Variants in VSIG4 observed in about 807,000 individuals in gnomAD.
VSIG4 encodes V-set and immunoglobulin domain-containing protein 4.
In VSIG4, 34 loss-of-function variants were observed where a neutral mutation model predicts 23.4. That is an observed-to-expected ratio of 1.45 (90% CI 1.10 to 1.93). The LOEUF (loss-of-function observed/expected upper bound fraction) is 1.93, where lower values mean the gene tolerates loss of function less well. VSIG4 is among the 30% of genes most tolerant of loss of function. The probability of loss-of-function intolerance (pLI) is 0.00; values close to 1 mark genes in which losing one functional copy is unlikely to be tolerated. For synonymous variants in VSIG4, 169 were observed against 120.3 expected, an observed-to-expected ratio of 1.41 and a Z score of -2.65; for missense variants, 433 against 310.8, an observed-to-expected ratio of 1.39 and a Z score of -2.96.
intron 2 of VSIG4, 120 bp downstream of exon 2, chrX:66,033,354 A>G (rs1315866875): frequency 1.6e-6 from 1 of 609,280 alleles, no homozygotes; most frequent in Non-Finnish European, 2.6e-6. Context: ...TGATAAGCAC[A>G]TATACCTGTG....
chrX:66,029,538 G>T lies in VSIG4; in HGVS notation c.695-1426C>A, dbSNP rs188782681. 4.2e-3 allele frequency among the ~76,000 whole-genome samples: 470 copies of T among 111,203 alleles called. 5 individuals are homozygous for T. The highest frequency in any genetic ancestry group is 0.015 in the African/African-American group (456 of 30,554). On this transcript the variant is annotated intron_variant, in intron 3 of 7. Coordinates refer to ENST00000374737, the MANE Select transcript of VSIG4 (RefSeq NM_007268.3). ...ATAAAATATATACTCAATAAATATT[G>T]AATAAGTTGATGACTTCGTAAGAAT...
At chrX:66,036,470 C>T (rs1173325654) in intron 1 of VSIG4, among the ~76,000 whole-genome samples, 1 of 103,219 alleles carries the variant, frequency 9.7e-6, no homozygotes, top group Non-Finnish European at 1.9e-5. Flanking sequence ...AGGAATAACA[C>T]TGATCTAAGC....
At chrX:66,030,741 A>G in intron 3 of VSIG4, among the ~76,000 whole-genome samples, 1 of 111,895 alleles carries the variant, frequency 8.9e-6, no homozygotes, top group Middle Eastern at 4.6e-3. Context: ...GAATGAGACA[A>G]AGATAAGCAA....
At chrX:66,032,850 GC>G in intron 2 of VSIG4, 101 bp from the exon 3 acceptor site, 1 of 886,593 alleles carries the variant, frequency 1.1e-6, no homozygotes, top group South Asian at 2.8e-5. Context: ...GCATATATCT[GC>G]AACTGGAACT....
At chrX:66,026,092 T>C (rs975661887) in intron 5 of VSIG4, among the ~76,000 whole-genome samples, 1 of 112,210 alleles carries the variant, frequency 8.9e-6, no homozygotes, top group African/African-American at 3.2e-5. Context: ...AGGCCTTAGT[T>C]ACCCCATAAG....
intron 1 of VSIG4, among the ~76,000 whole-genome samples, chrX:66,034,353 C>G (rs2085508333): frequency 8.9e-6 from 1 of 111,952 alleles, no homozygotes; most frequent in Admixed American, 9.5e-5. Flanking sequence ...GCCCTCTGCC[C>G]TGTTATCTTC....
At chrX:66,036,624 T>G (rs1278777852) in intron 1 of VSIG4, among the ~76,000 whole-genome samples, 3 of 79,556 alleles carry the variant, frequency 3.8e-5, no homozygotes, top group Non-Finnish European at 4.6e-5. Context: ...ATATAATATA[T>G]TTATAATATA....
At chrX:66,036,880 T>A (rs1199427208) in intron 1 of VSIG4, among the ~76,000 whole-genome samples, 5 of 40,482 alleles carry the variant, frequency 1.2e-4, no homozygotes, top group East Asian at 1.1e-3. Context: ...ATATTATATA[T>A]TATATTATAT....
In VSIG4 at chrX:66,025,103, T is replaced by C; in HGVS notation, c.862A>G (p.Ile288Val). The C allele has an allele frequency of 8.3e-7, 1 of 1,202,989 alleles. No homozygotes were observed. The highest frequency in any genetic ancestry group is 1.1e-6 in the Non-Finnish European group (1 of 891,207). The part of the protein sequence containing the change: ...PGKSLPVFAI[I>V]LIISLCCMVV... ...ATACAGCACAAGGAGATGATGAGGA[T>C]GATGGCAAAGACAGGCAGGCTCTTT... Residue 288 changes from isoleucine (I) to valine (V), a missense_variant, in exon 6 of 8, where the codon ATC becomes GTC. Transcript: ENST00000374737.
chrX:66,039,800 C>T, intron 1 of VSIG4, 144 bp downstream of exon 1: 1 of 642,290 alleles, frequency 1.6e-6, no homozygotes, highest in South Asian at 3.8e-5. Flanking sequence ...CCGTTTTGCT[C>T]AAGGCTGAGA....
chrX:66,038,824 G>A (rs1346368094), intron 1 of VSIG4, among the ~76,000 whole-genome samples: 3 of 111,183 alleles, frequency 2.7e-5, no homozygotes, highest in South Asian at 3.8e-4. Context: ...CCCAGGATAG[G>A]GTAACCTAAT....
intron 3 of VSIG4, among the ~76,000 whole-genome samples, chrX:66,031,939 C>T (rs1313691126): frequency 1.8e-5 from 2 of 111,761 alleles, no homozygotes; most frequent in East Asian, 2.8e-4. Flanking sequence ...AAAACAATAA[C>T]CAAACAAACA....
Position 66,022,450 on chromosome X carries a change from A to T in VSIG4, c.1013T>A (p.Ile338Asn). ...ATCACTGGAGCAGCCACTTGCGAAG[A>T]TGGCCACCCTCATGGTTTCTCCAGA... ...NDSGETMRVA[I>N]FASGCSSDEP... is the part of the protein sequence containing the mutation. Residue 338 changes from isoleucine to asparagine, a missense_variant, in exon 8 of 8, where the codon ATC (isoleucine) becomes AAC (asparagine). Transcript: ENST00000374737. 1 of 1,211,947 alleles carries T rather than the reference A, an allele frequency of 8.3e-7. No homozygotes were observed. Among genetic ancestry groups the T allele is most frequent in the Non-Finnish European group, 1.1e-6 (1 of 895,566 alleles).
intron 1 of VSIG4, among the ~76,000 whole-genome samples, chrX:66,034,757 C>A (rs1174974068): frequency 1.9e-5 from 1 of 53,610 alleles, no homozygotes; most frequent in African/African-American, 1.1e-4. Context: ...AGAAGGAAAC[C>A]CTTGGGGATG....
chrX:66,029,895 T>A (rs1041743988), intron 3 of VSIG4, among the ~76,000 whole-genome samples: 2 of 110,755 alleles, frequency 1.8e-5, no homozygotes, highest in South Asian at 3.7e-4. Flanking sequence ...AAAAAATAAA[T>A]ACAGATAATA....
At chrX:66,035,228 C>G (rs748112957) in intron 1 of VSIG4, among the ~76,000 whole-genome samples, 1 of 112,136 alleles carries the variant, frequency 8.9e-6, no homozygotes, top group East Asian at 2.8e-4. Context: ...GCTAGATCCA[C>G]TACATACTCT....
chrX:66,037,255 T>C (rs1484785766), intron 1 of VSIG4, among the ~76,000 whole-genome samples: 6 of 13,524 alleles, frequency 4.4e-4, no homozygotes, highest in Middle Eastern at 0.077. Flanking sequence ...TAATATATAA[T>C]ATATATTATA....
chrX:66,033,220 G>T (rs748316346), intron 2 of VSIG4, among the ~76,000 whole-genome samples: 1 of 110,851 alleles, frequency 9.0e-6, no homozygotes, highest in African/African-American at 3.3e-5. Context: ...CTAGTCCATG[G>T]ATACTGGCAT....
At chrX:66,033,433 T>G in intron 2 of VSIG4, 41 bp downstream of exon 2, 1 of 1,092,755 alleles carries the variant, frequency 9.2e-7, no homozygotes, top group Non-Finnish European at 1.2e-6. Context: ...CACTATTGAT[T>G]CATTGATTAT....
Sources: allele counts gnomAD v4.1 joint callset (sites outside exome capture counted in the v4.1 genomes callset), GRCh38; gene constraint gnomAD v4.1.1; transcripts MANE v1.5; gene names NCBI Gene and HGNC (gene_info 2026-07-23, HGNC 2026-07-21).